The following MARCHF8 variants were observed in gnomAD, a reference collection of about 807,000 sequenced individuals.
The protein encoded by MARCHF8 is E3 ubiquitin-protein ligase MARCHF8.
Under a neutral mutation model 51.6 loss-of-function variants are expected in MARCHF8, and 40 were observed. That is an observed-to-expected ratio of 0.77 (90% CI 0.60 to 1.01). The LOEUF (loss-of-function observed/expected upper bound fraction) is 1.01, where lower values mean the gene tolerates loss of function less well. MARCHF8 is among the 50% of genes least tolerant of loss of function. MARCHF8 has a pLI of 0.00. For missense variants in MARCHF8, 685 were observed against 708.6 expected (o/e 0.97, Z 0.38); for synonymous variants, 263 against 280.3 (o/e 0.94, Z 0.62).
chr10:45,561,348 C>T (rs2044308546), intron 1 of MARCHF8, among the ~76,000 whole-genome samples: 1 of 150,806 alleles, frequency 6.6e-6, no homozygotes, highest in South Asian at 2.1e-4. Flanking sequence ...GATCTCGGCT[C>T]ACTGCAACCT....
At chr10:45,473,729 T>C (rs539402797) in intron 3 of MARCHF8, among the ~76,000 whole-genome samples, 48 of 152,130 alleles carry the variant, frequency 3.2e-4, no homozygotes, top group Non-Finnish European at 6.6e-4. Flanking sequence ...TCAGCCTCTA[T>C]AGGATTTTAG....
intron 2 of MARCHF8, among the ~76,000 whole-genome samples, chr10:45,510,989 G>T (rs893838757): frequency 1.3e-5 from 2 of 151,986 alleles, no homozygotes; most frequent in East Asian, 1.9e-4. Context: ...TTAAAGTTAT[G>T]AAAAAATGGA....
intron 4 of MARCHF8, 109 bp from the exon 5 acceptor site, chr10:45,464,105 C>G: frequency 6.6e-7 from 1 of 1,522,312 alleles, no homozygotes; most frequent in Non-Finnish European, 8.9e-7. Flanking sequence ...GGTGAGCAAA[C>G]CACACATAAA....
intron 3 of MARCHF8, among the ~76,000 whole-genome samples, chr10:45,488,404 T>C (rs1451091605): frequency 1.3e-5 from 2 of 152,034 alleles, no homozygotes; most frequent in African/African-American, 4.8e-5. Context: ...CCAGCTCTCA[T>C]CGTGAGACCA....
chr10:45,469,148 AAC>A (rs1295990672), intron 3 of MARCHF8, among the ~76,000 whole-genome samples: 1 of 152,050 alleles, frequency 6.6e-6, no homozygotes, highest in Non-Finnish European at 1.5e-5. Context: ...TCCAGTAATG[AAC>A]ACACAAAGTG....
exon 1 of MARCHF8, chr10:45,594,842 A>G (rs1353436373): frequency 6.6e-6 from 1 of 152,318 alleles, no homozygotes; most frequent in Non-Finnish European, 1.5e-5. Flanking sequence ...GGACGCAGCA[A>G]GGCCGCACCT....
chr10:45,574,167 T>A (rs2044463540), intron 1 of MARCHF8, among the ~76,000 whole-genome samples: 1 of 152,056 alleles, frequency 6.6e-6, no homozygotes. Context: ...TAAAACCTAG[T>A]CACCCTTACC....
intron 2 of MARCHF8, among the ~76,000 whole-genome samples, chr10:45,491,988 C>T (rs1299021567): frequency 6.6e-6 from 1 of 152,242 alleles, no homozygotes; most frequent in Non-Finnish European, 1.5e-5. Context: ...TGAGGGAGAA[C>T]TACCTGCTAA....
At chr10:45,476,279 G>GT (rs1291704941) in intron 3 of MARCHF8, among the ~76,000 whole-genome samples, 2 of 152,166 alleles carry the variant, frequency 1.3e-5, no homozygotes, top group Non-Finnish European at 2.9e-5. Flanking sequence ...AAAACTCAGT[G>GT]AACACTGGGC....
chr10:45,501,975 T>A (rs1432806108), intron 2 of MARCHF8, among the ~76,000 whole-genome samples: 1 of 152,090 alleles, frequency 6.6e-6, no homozygotes, highest in Non-Finnish European at 1.5e-5. Context: ...AATTTTTTTT[T>A]AAATAATGAC....
chr10:45,569,824 T>C (rs545262456), intron 1 of MARCHF8, among the ~76,000 whole-genome samples: 1 of 152,238 alleles, frequency 6.6e-6, no homozygotes, highest in African/African-American at 2.4e-5. Context: ...GACTAAATAT[T>C]CCAATTAAAA....
chr10:45,546,955 G>T (rs1405240890), intron 1 of MARCHF8, among the ~76,000 whole-genome samples: 1 of 152,084 alleles, frequency 6.6e-6, no homozygotes, highest in Non-Finnish European at 1.5e-5. Flanking sequence ...AGTTGCAGTG[G>T]CTTGTATCTG....
chr10:45,511,874 C>A (rs1310280099), intron 2 of MARCHF8, among the ~76,000 whole-genome samples: 1 of 149,200 alleles, frequency 6.7e-6, no homozygotes, highest in Non-Finnish European at 1.5e-5. Flanking sequence ...CGCCCATCGT[C>A]TGGGACGTGA....
Position 45,462,610 on chromosome 10 carries a change from C to T in MARCHF8, c.1088+541G>A, listed in dbSNP as rs113645632. On this transcript the variant is annotated intron_variant, in intron 5 of 7. Coordinates refer to ENST00000453424, the MANE Select transcript of MARCHF8 (RefSeq NM_001282866.2). ...GGCCTTTAATATGTGTAGCTTCTTC[C>T]TCTTTTTTTTTTTGTTTTGTTTTGT... Among the ~76,000 whole-genome samples, 355 of 150,782 alleles carry T rather than the reference C, an allele frequency of 2.4e-3. 1 individual carries two copies. Among genetic ancestry groups the T allele is most frequent in the African/African-American group, 8.3e-3 (343 of 41,176 alleles).
At chr10:45,480,008 G>T (rs935129813) in intron 3 of MARCHF8, among the ~76,000 whole-genome samples, 1 of 152,166 alleles carries the variant, frequency 6.6e-6, no homozygotes, top group African/African-American at 2.4e-5. Flanking sequence ...ATCATGATAT[G>T]GACAATGAAA....
intron 3 of MARCHF8, among the ~76,000 whole-genome samples, chr10:45,468,840 G>A (rs1006156153): frequency 2.6e-5 from 4 of 152,146 alleles, no homozygotes; most frequent in Non-Finnish European, 4.4e-5. Flanking sequence ...ATGTGTTGGC[G>A]GAAGTGTTGG....
At chr10:45,593,304 T>C (rs2044701792) in intron 1 of MARCHF8, 1 of 152,048 alleles carries the variant, frequency 6.6e-6, no homozygotes, top group Admixed American at 6.5e-5. Context: ...ATTAGGAAAC[T>C]ATGTGCTACT....
intron 1 of MARCHF8, among the ~76,000 whole-genome samples, chr10:45,574,096 G>A (rs199564799): frequency 0.012 from 54 of 4,400 alleles, no homozygotes; most frequent in Middle Eastern, 0.5. Context: ...ACCTTAAACC[G>A]TAGTATAGTA....
chr10:45,486,804 CTTTTTTTTTTTTT>C (rs34757159), intron 3 of MARCHF8, among the ~76,000 whole-genome samples: 1 of 94,580 alleles, frequency 1.1e-5, no homozygotes, highest in Non-Finnish European at 2.0e-5. Flanking sequence ...TATTACCCTA[CTTTTTTTTTTTTT>C]TTTTTTTTTG....
Sources: gnomAD v4.1 joint callset for allele counts (sites outside exome capture counted in the v4.1 genomes callset) on GRCh38, gnomAD v4.1.1 for gene constraint, MANE v1.5 for transcripts, NCBI Gene and HGNC (gene_info 2026-07-23, HGNC 2026-07-21) for gene names.